MAD1L1: variants seen among roughly 807,000 people sequenced by gnomAD.
MAD1L1 encodes mitotic arrest deficient 1 like 1.
MAD1L1 carries 95 observed loss-of-function variants against 96.9 expected under a neutral mutation model. The observed-to-expected ratio is 0.98, with a 90% CI of 0.83 to 1.16. The LOEUF (loss-of-function observed/expected upper bound fraction) is 1.16, where lower values mean the gene tolerates loss of function less well. Ranked by LOEUF, MAD1L1 falls within the 50% of genes most tolerant of loss-of-function variation. The probability of loss-of-function intolerance (pLI) is 0.00; values close to 1 mark genes in which losing one functional copy is unlikely to be tolerated. For synonymous variants in MAD1L1, 473 were observed against 396.6 expected, an observed-to-expected ratio of 1.19 and a Z score of -2.29; for missense variants, 1,007 against 954.4, an observed-to-expected ratio of 1.06 and a Z score of -0.73.
At chr7:2,077,199 G>A (rs185019448) in intron 11 of MAD1L1, among the ~76,000 whole-genome samples, 21 of 152,330 alleles carry the variant, frequency 1.4e-4, no homozygotes, top group Admixed American at 2.6e-4. Context: ...CCGCATGCAC[G>A]GTGATCCTCA....
chr7:1,984,469 A>G (rs1053516815), intron 14 of MAD1L1, among the ~76,000 whole-genome samples: 12 of 152,368 alleles, frequency 7.9e-5, no homozygotes, highest in East Asian at 3.8e-4. Flanking sequence ...CCCACTTGCT[A>G]TATCGCAGAT....
chr7:2,014,756 G>C (rs1782460003), intron 12 of MAD1L1, 114 bp from the exon 13 acceptor site: 1 of 1,264,100 alleles, frequency 7.9e-7, no homozygotes, highest in African/African-American at 1.5e-5. Flanking sequence ...CCCTCGTGAG[G>C]ACCCAGGCCA....
chr7:1,993,124 C>A (rs1220049345), intron 14 of MAD1L1, among the ~76,000 whole-genome samples: 1 of 152,228 alleles, frequency 6.6e-6, no homozygotes, highest in Non-Finnish European at 1.5e-5. Context: ...GACTTCACTG[C>A]TCTGAGTCTG....
Position 1,983,703 on chromosome 7 carries a change from C to T in MAD1L1, c.1417-3162G>A, listed in dbSNP as rs191600762. ...TACATGTCTTCACCTACGTATCCAC[C>T]GTCCAGATCAGGACACAGAATTCTC... On this transcript the variant is annotated intron_variant, in intron 14 of 18. Transcript: ENST00000265854. 2.8e-3 allele frequency among the ~76,000 whole-genome samples: 427 copies of T among 152,324 alleles called. 2 individuals are homozygous for T. Among genetic ancestry groups the T allele is most frequent in the African/African-American group, 9.2e-3 (382 of 41,570 alleles).
At chr7:2,218,430 A>G (rs1023201027) in intron 6 of MAD1L1, among the ~76,000 whole-genome samples, 2 of 152,220 alleles carry the variant, frequency 1.3e-5, no homozygotes, top group African/African-American at 4.8e-5. Context: ...CTACTACGGA[A>G]CTAGAACTCT....
At chr7:1,893,281 G>A (rs62442894) in intron 18 of MAD1L1, among the ~76,000 whole-genome samples, 1 of 110,392 alleles carries the variant, frequency 9.1e-6, no homozygotes, top group South Asian at 4.0e-4. Flanking sequence ...TGGCTGGGAT[G>A]GGAAGTCCTG....
chr7:2,071,727 T>C lies in MAD1L1; in HGVS notation c.1074-2389A>G, dbSNP rs531912707. On this transcript the variant is annotated intron_variant, in intron 11 of 18. Transcript: ENST00000265854. ...CAAGGCCTCCATCAAAACCCAAAGG[T>C]TTCTCACCGGAGCAGGGAGCGCTTT... is the stretch of plus-strand genomic sequence containing the variant. 2.6e-5 allele frequency among the ~76,000 whole-genome samples: 4 copies of C among 151,824 alleles called. No homozygotes were observed. In the East Asian group the frequency reaches 8.1e-4, roughly 31 times the overall value.
At position 2,215,986 on chromosome 7, in the gene MAD1L1, T is replaced by A. The variant is rs771476086; in HGVS notation, c.823A>T (p.Thr275Ser). The A allele has an allele frequency of 2.2e-5, 35 of 1,614,068 alleles. No homozygotes were observed. In the East Asian group the frequency reaches 7.6e-4, roughly 35 times the overall value. Residue 275 changes from threonine to serine, a missense_variant, in exon 9 of 19, where the codon ACC (threonine) becomes TCC (serine). Coordinates refer to ENST00000265854, the MANE Select transcript of MAD1L1 (RefSeq NM_001013836.2). ...AGCTCTTCCTGGAGCAGCCCGTTGG[T>A]CTCTCTCATCTCCCTGGCAGTGCCA... ...ESAHLREMRE[T>S]NGLLQEELEG...
intron 18 of MAD1L1, among the ~76,000 whole-genome samples, chr7:1,890,140 T>C (rs1181852975): frequency 6.6e-6 from 1 of 152,176 alleles, no homozygotes. Context: ...CTCTGTCTGG[T>C]GTGGGTATGG....
chr7:1,829,455 T>C (rs538479570), intron 18 of MAD1L1: 1 of 152,148 alleles, frequency 6.6e-6, no homozygotes, highest in East Asian at 1.9e-4. Context: ...GCCACATGGG[T>C]GTACCTGGAC....
At chr7:2,075,143 G>A (rs1257789774) in intron 11 of MAD1L1, among the ~76,000 whole-genome samples, 2 of 152,186 alleles carry the variant, frequency 1.3e-5, no homozygotes, top group African/African-American at 4.8e-5. Context: ...AGGCAGCCCT[G>A]TCCTGAAGAC....
At chr7:2,000,695 G>A (rs1009961492) in intron 14 of MAD1L1, among the ~76,000 whole-genome samples, 1 of 152,214 alleles carries the variant, frequency 6.6e-6, no homozygotes, top group Admixed American at 6.5e-5. Flanking sequence ...GTGCCTCCAG[G>A]AGGGCAGGAG....
At chr7:1,821,093 A>AGG (rs757288347) in intron 18 of MAD1L1, among the ~76,000 whole-genome samples, 9 of 27,834 alleles carry the variant, frequency 3.2e-4, no homozygotes, top group Non-Finnish European at 5.0e-4. Context: ...AAAAAAAAAA[A>AGG]GGGGGGGGGG....
At chr7:1,953,994 G>C (rs901313170) in intron 16 of MAD1L1, among the ~76,000 whole-genome samples, 2 of 152,118 alleles carry the variant, frequency 1.3e-5, no homozygotes, top group African/African-American at 2.4e-5. Flanking sequence ...TCTCTACCCA[G>C]GGCGGCCTGT....
intron 18 of MAD1L1, among the ~76,000 whole-genome samples, chr7:1,884,178 C>A (rs918751454): frequency 2.0e-5 from 3 of 152,256 alleles, no homozygotes; most frequent in African/African-American, 7.2e-5. Context: ...AGGGACGCAG[C>A]CGAGGCATGC....
chr7:2,098,451 CA>C (rs1317607459), intron 11 of MAD1L1, among the ~76,000 whole-genome samples: 1 of 152,198 alleles, frequency 6.6e-6, no homozygotes, highest in Non-Finnish European at 1.5e-5. Context: ...CGCAGAGATC[CA>C]AATAGCCAGG....
At chr7:1,916,672 G>T (rs1352830458) in intron 17 of MAD1L1, among the ~76,000 whole-genome samples, 1 of 152,162 alleles carries the variant, frequency 6.6e-6, no homozygotes, top group South Asian at 2.1e-4. Context: ...ATGATCACTG[G>T]CGGGGAGATG....
At chr7:2,112,857 T>C (rs1381812904) in intron 11 of MAD1L1, among the ~76,000 whole-genome samples, 2 of 147,892 alleles carry the variant, frequency 1.4e-5, no homozygotes, top group African/African-American at 2.5e-5. Context: ...CAGTGCCAGA[T>C]AGTTTGAAAA....
chr7:1,883,006 GGCCCCAGGAACCAGCTCTTTAACACC>G (rs1479231072), intron 18 of MAD1L1, among the ~76,000 whole-genome samples: 26 of 111,940 alleles, frequency 2.3e-4, no homozygotes, highest in African/African-American at 1.1e-3. Flanking sequence ...TGCCACAAAC[GGCCCCAGGAACCAGCTCTTTAACACC>G]AAACCTGGTG....
Sources: gnomAD v4.1 joint callset for allele counts (sites outside exome capture counted in the v4.1 genomes callset) on GRCh38, gnomAD v4.1.1 for gene constraint, MANE v1.5 for transcripts, NCBI Gene and HGNC (gene_info 2026-07-23, HGNC 2026-07-21) for gene names.